ENOX2: variants seen among roughly 807,000 people sequenced by gnomAD.
ENOX2 encodes APK1 antigen.
In ENOX2, 36 loss-of-function variants were observed where a neutral mutation model predicts 45.0. That is an observed-to-expected ratio of 0.80 (90% CI 0.61 to 1.06). The LOEUF (loss-of-function observed/expected upper bound fraction) is 1.06. Among genes scored for constraint, ENOX2 ranks in the 50% least tolerant of loss-of-function variants. The probability of loss-of-function intolerance (pLI) is 0.00; values close to 1 mark genes in which losing one functional copy is unlikely to be tolerated. For synonymous variants in ENOX2, 174 were observed against 152.3 expected (o/e 1.14, Z -1.05); for missense variants, 423 against 462.5 (o/e 0.91, Z 0.78).
chrX:130,631,126 G>GC (rs2035698572), intron 13 of ENOX2, among the ~76,000 whole-genome samples: 1 of 110,859 alleles, frequency 9.0e-6, no homozygotes, highest in African/African-American at 3.3e-5. Context: ...GTCTGCGCTA[G>GC]CCCCCTGAGT....
intron 3 of ENOX2, among the ~76,000 whole-genome samples, chrX:130,748,635 C>G (rs905595224): frequency 8.9e-6 from 1 of 111,880 alleles, no homozygotes; most frequent in East Asian, 2.8e-4. Context: ...ATGGGATGAT[C>G]CTAGAACCAC....
At chrX:130,900,296 A>C (rs1569340605) in intron 2 of ENOX2, among the ~76,000 whole-genome samples, 1 of 112,690 alleles carries the variant, frequency 8.9e-6, no homozygotes, top group East Asian at 2.7e-4. Context: ...GTAAAATCCA[A>C]AGTAATCTTA....
chrX:130,813,901 G>C (rs1008005091), intron 2 of ENOX2, among the ~76,000 whole-genome samples: 6 of 111,943 alleles, frequency 5.4e-5, no homozygotes, highest in Non-Finnish European at 9.4e-5. Flanking sequence ...AGACAGAACC[G>C]TTTGCTCCCC....
At chrX:130,863,034 T>C (rs948046369) in intron 2 of ENOX2, among the ~76,000 whole-genome samples, 1 of 111,629 alleles carries the variant, frequency 9.0e-6, no homozygotes, top group Non-Finnish European at 1.9e-5. Flanking sequence ...CCTCTCCCAT[T>C]ACCTCTAAGC....
At chrX:130,742,660 A>T (rs1177373646) in intron 3 of ENOX2, among the ~76,000 whole-genome samples, 1 of 111,755 alleles carries the variant, frequency 8.9e-6, no homozygotes, top group Non-Finnish European at 1.9e-5. Context: ...ACTGTATATA[A>T]ACTGTCCCAT....
At chrX:130,849,759 G>A (rs1262808359) in intron 2 of ENOX2, among the ~76,000 whole-genome samples, 2 of 111,743 alleles carry the variant, frequency 1.8e-5, no homozygotes, top group Non-Finnish European at 3.8e-5. Flanking sequence ...ACCTTTTTAG[G>A]CCTATCTTAT....
At chrX:130,635,144 A>G in intron 11 of ENOX2, 53 bp from the exon 12 acceptor site, 1 of 712,095 alleles carries the variant, frequency 1.4e-6, no homozygotes, top group East Asian at 3.4e-5. Flanking sequence ...GCCACACTTC[A>G]TTTAAAATCT....
At chrX:130,759,577 C>T (rs1232517553) in intron 3 of ENOX2, among the ~76,000 whole-genome samples, 4 of 19,948 alleles carry the variant, frequency 2.0e-4, no homozygotes, top group Non-Finnish European at 3.0e-4. Flanking sequence ...GACTATGTAC[C>T]AAAAAAAAAA....
At chrX:130,860,160 T>A (rs773253655) in intron 2 of ENOX2, among the ~76,000 whole-genome samples, 4 of 111,167 alleles carry the variant, frequency 3.6e-5, no homozygotes, top group Non-Finnish European at 3.8e-5. Flanking sequence ...TTTCGCCATG[T>A]TGGCCAGGCT....
chrX:130,815,999 C>A (rs765814016), intron 2 of ENOX2, among the ~76,000 whole-genome samples: 2 of 110,812 alleles, frequency 1.8e-5, no homozygotes, highest in Non-Finnish European at 3.8e-5. Flanking sequence ...ATCAGGAGAC[C>A]CATCTCATGT....
At chrX:130,722,146 G>A (rs768794140) in intron 3 of ENOX2, among the ~76,000 whole-genome samples, 1 of 111,839 alleles carries the variant, frequency 8.9e-6, no homozygotes, top group East Asian at 2.8e-4. Flanking sequence ...GGGTGAGCTG[G>A]AACGAGAGAG....
chrX:130,669,770 C>T (rs1247548566), intron 7 of ENOX2, among the ~76,000 whole-genome samples, 195 bp downstream of exon 7: 1 of 111,996 alleles, frequency 8.9e-6, no homozygotes, highest in African/African-American at 3.2e-5. Flanking sequence ...GGAGCAGACA[C>T]AGGTAGTAGG....
chrX:130,745,343 T>TA (rs781174035), intron 3 of ENOX2, among the ~76,000 whole-genome samples: 26 of 112,080 alleles, frequency 2.3e-4, no homozygotes, highest in Middle Eastern at 9.3e-3. Flanking sequence ...GAAAATATGC[T>TA]AAAGTATAGC....
chrX:130,816,969 T>C (rs1224330329), intron 2 of ENOX2, among the ~76,000 whole-genome samples: 1 of 111,746 alleles, frequency 8.9e-6, no homozygotes, highest in Non-Finnish European at 1.9e-5. Context: ...AGAAAATCAA[T>C]GAATCCAGGA....
At chrX:130,708,530 T>G (rs2038099196) in intron 3 of ENOX2, among the ~76,000 whole-genome samples, 1 of 112,124 alleles carries the variant, frequency 8.9e-6, no homozygotes. Context: ...TTATTCTGTG[T>G]TCTCTTAGCT....
intron 13 of ENOX2, among the ~76,000 whole-genome samples, chrX:130,630,066 G>A (rs1271999490): frequency 9.0e-6 from 1 of 111,196 alleles, no homozygotes; most frequent in Non-Finnish European, 1.9e-5. Context: ...AGGAACTGAA[G>A]CTCAGAGAAG....
chrX:130,806,425 A>G (rs1429961539), intron 2 of ENOX2, among the ~76,000 whole-genome samples: 1 of 112,640 alleles, frequency 8.9e-6, no homozygotes, highest in Non-Finnish European at 1.9e-5. Context: ...ATATTTCCAT[A>G]AATTCTTGCA....
intron 3 of ENOX2, among the ~76,000 whole-genome samples, chrX:130,776,981 G>A (rs781191122): frequency 2.7e-5 from 3 of 112,113 alleles, no homozygotes; most frequent in Admixed American, 9.5e-5. Context: ...ACCACCAGGT[G>A]AGCTTGTGAC....
intron 3 of ENOX2, among the ~76,000 whole-genome samples, chrX:130,765,465 C>T (rs1285311112): frequency 9.0e-6 from 1 of 111,228 alleles, no homozygotes; most frequent in Non-Finnish European, 1.9e-5. Context: ...AAAAATATAA[C>T]ATGCTCTATG....
Sources: gnomAD v4.1 joint callset for allele counts (sites outside exome capture counted in the v4.1 genomes callset) on GRCh38, gnomAD v4.1.1 for gene constraint, MANE v1.5 for transcripts, NCBI Gene and HGNC (gene_info 2026-07-23, HGNC 2026-07-21) for gene names.